TBC1D4: variants seen among roughly 807,000 people sequenced by gnomAD.
TBC1D4 encodes the protein TBC1 domain family member 4.
TBC1D4 carries 121 observed loss-of-function variants against 142.5 expected under a neutral mutation model. The observed-to-expected ratio is 0.85, with a 90% CI of 0.73 to 0.99. The LOEUF (loss-of-function observed/expected upper bound fraction) is 0.99, where lower values mean the gene tolerates loss of function less well. TBC1D4 is among the 50% of genes least tolerant of loss of function. The pLI, the probability that TBC1D4 is intolerant of heterozygous loss-of-function variation, is 0.00. For missense variants in TBC1D4, 1,475 were observed against 1,606.6 expected (o/e 0.92, Z 1.40); for synonymous variants, 630 against 628.2 (o/e 1.00, Z -0.04).
intron 5 of TBC1D4, among the ~76,000 whole-genome samples, chr13:75,347,914 T>C (rs997819015): frequency 2.0e-5 from 3 of 152,140 alleles, no homozygotes; most frequent in Admixed American, 6.5e-5. Context: ...GACAGGAGGA[T>C]TGCTTGAGAC....
intron 1 of TBC1D4, among the ~76,000 whole-genome samples, chr13:75,448,555 C>T (rs1174118084): frequency 6.9e-6 from 1 of 143,978 alleles, no homozygotes; most frequent in Non-Finnish European, 1.5e-5. Flanking sequence ...GTAACAAGAG[C>T]GAAACTCCGT....
chr13:75,339,401 G>A (rs538718), intron 7 of TBC1D4, among the ~76,000 whole-genome samples: 62,478 of 151,614 alleles, frequency 0.41, 13,568 homozygotes, highest in East Asian at 0.66. Flanking sequence ...TCCCTTACTT[G>A]AAATCCTTCC....
intron 1 of TBC1D4, among the ~76,000 whole-genome samples, chr13:75,402,057 G>A (rs1885118491): frequency 6.6e-6 from 1 of 152,138 alleles, no homozygotes; most frequent in South Asian, 2.1e-4. Context: ...TGTATTAACT[G>A]AGCTCTATGT....
intron 2 of TBC1D4, among the ~76,000 whole-genome samples, chr13:75,361,745 T>A (rs995388801): frequency 6.6e-6 from 1 of 152,070 alleles, no homozygotes; most frequent in Admixed American, 6.5e-5. Context: ...TAGATTCTTA[T>A]TCTCTCTACC....
intron 4 of TBC1D4, among the ~76,000 whole-genome samples, chr13:75,351,995 C>T (rs1445904350): frequency 6.6e-6 from 1 of 152,212 alleles, no homozygotes; most frequent in African/African-American, 2.4e-5. Context: ...TAAATTCTCA[C>T]ATGACAGCTC....
At chr13:75,326,528 G>C in intron 9 of TBC1D4, 105 bp from the exon 10 acceptor site, 1 of 1,220,298 alleles carries the variant, frequency 8.2e-7, no homozygotes, top group Non-Finnish European at 1.2e-6. Context: ...TTCCTCCTGA[G>C]TCATGACAAA....
At chr13:75,386,180 A>G (rs1884156397) in intron 1 of TBC1D4, among the ~76,000 whole-genome samples, 1 of 152,168 alleles carries the variant, frequency 6.6e-6, no homozygotes, top group Admixed American at 6.5e-5. Context: ...TAAACATATA[A>G]ATGCCAACTA....
intron 1 of TBC1D4, among the ~76,000 whole-genome samples, chr13:75,389,817 T>C (rs1477463583): frequency 6.6e-6 from 1 of 152,148 alleles, no homozygotes; most frequent in Non-Finnish European, 1.5e-5. Context: ...TAGTCAGATG[T>C]GGACAAGGAC....
At chr13:75,402,495 T>C (rs534345629) in intron 1 of TBC1D4, among the ~76,000 whole-genome samples, 1 of 152,082 alleles carries the variant, frequency 6.6e-6, no homozygotes, top group Non-Finnish European at 1.5e-5. Flanking sequence ...TCTCAGGTAA[T>C]AGCTTCAAAA....
At chr13:75,480,877 G>GCACGCACACA (rs1555327312) in intron 1 of TBC1D4, among the ~76,000 whole-genome samples, 5 of 124,064 alleles carry the variant, frequency 4.0e-5, no homozygotes, top group African/African-American at 1.0e-4. Context: ...GCACACGCAC[G>GCACGCACACA]CACACACACA....
intron 11 of TBC1D4, among the ~76,000 whole-genome samples, chr13:75,320,965 G>A (rs376173907): frequency 6.6e-6 from 1 of 151,038 alleles, no homozygotes; most frequent in African/African-American, 2.4e-5. Context: ...GCGTGAACCC[G>A]GGAGGCGGAG....
At chr13:75,391,439 T>C (rs1156469658) in intron 1 of TBC1D4, among the ~76,000 whole-genome samples, 1 of 152,160 alleles carries the variant, frequency 6.6e-6, no homozygotes, top group Non-Finnish European at 1.5e-5. Context: ...ACTGCCACAT[T>C]GCTAAACCCA....
At chr13:75,422,049 C>T (rs1191965711) in intron 1 of TBC1D4, among the ~76,000 whole-genome samples, 3 of 152,212 alleles carry the variant, frequency 2.0e-5, no homozygotes, top group African/African-American at 7.2e-5. Context: ...CCACCTTGGC[C>T]TCCCAAAGTG....
At chr13:75,369,960 C>T (rs1883135868) in intron 1 of TBC1D4, among the ~76,000 whole-genome samples, 1 of 151,908 alleles carries the variant, frequency 6.6e-6, no homozygotes, top group South Asian at 2.1e-4. Context: ...GTGAACATTT[C>T]CAAGGAGAAA....
intron 1 of TBC1D4, among the ~76,000 whole-genome samples, chr13:75,471,557 G>A (rs1888400002): frequency 1.3e-5 from 2 of 152,000 alleles, no homozygotes; most frequent in African/African-American, 4.8e-5. Flanking sequence ...GGCCAACATG[G>A]TGAAAGCCAG....
At chr13:75,307,149 A>T (rs1877266413) in intron 14 of TBC1D4, among the ~76,000 whole-genome samples, 1 of 152,096 alleles carries the variant, frequency 6.6e-6, no homozygotes, top group Non-Finnish European at 1.5e-5. Flanking sequence ...TTTTGTAAAG[A>T]TGGGGTCTTG....
intron 2 of TBC1D4, among the ~76,000 whole-genome samples, chr13:75,360,977 A>C (rs1882453554): frequency 6.6e-6 from 1 of 152,202 alleles, no homozygotes; most frequent in South Asian, 2.1e-4. Context: ...AAATAGGTTT[A>C]AAAAAGACAG....
Position 75,286,613 on chromosome 13 carries a change from A to G in TBC1D4, c.*179T>C, listed in dbSNP as rs528522407. On this transcript the variant is annotated 3_prime_UTR_variant, in exon 21 of 21. Coordinates refer to ENST00000377636, the MANE Select transcript of TBC1D4 (RefSeq NM_014832.5). ...ACAAAAACCAGTCTACATATGTCCA[A>G]TGGCTTAGGATTGGCATGCTCTGAT... 4.6e-4 allele frequency: 296 copies of G among 636,694 alleles called. No individual in the cohort carries two copies. Among genetic ancestry groups the G allele is most frequent in the Non-Finnish European group, 7.7e-4 (277 of 358,478 alleles). The allele number at this position is 636,694 out of a possible 1,614,324, so 39.4% of individuals were successfully genotyped here.
At chr13:75,293,534 A>C (rs1875560541) in intron 18 of TBC1D4, among the ~76,000 whole-genome samples, 1 of 152,206 alleles carries the variant, frequency 6.6e-6, no homozygotes, top group Non-Finnish European at 1.5e-5. Context: ...ATTCTCTGGG[A>C]AGAAAAATGT....
Sources: gnomAD v4.1 joint callset for allele counts (sites outside exome capture counted in the v4.1 genomes callset) on GRCh38, gnomAD v4.1.1 for gene constraint, MANE v1.5 for transcripts, NCBI Gene and HGNC (gene_info 2026-07-23, HGNC 2026-07-21) for gene names.